UBQLN1: variants seen among roughly 807,000 people sequenced by gnomAD.
The protein encoded by UBQLN1 is ubiquilin 1, also known as ubiquilin-1.
In UBQLN1, 13 loss-of-function variants were observed where a neutral mutation model predicts 65.4. That is an observed-to-expected ratio of 0.20 (90% CI 0.13 to 0.32). UBQLN1 has a LOEUF of 0.32. Among genes scored for constraint, UBQLN1 ranks in the 10% least tolerant of loss-of-function variants. UBQLN1 has a pLI of 1.00. For missense variants in UBQLN1, 561 were observed against 724.0 expected (o/e 0.77, Z 2.58); for synonymous variants, 267 against 247.8 (o/e 1.08, Z -0.73).
intron 10 of UBQLN1, among the ~76,000 whole-genome samples, chr9:83,662,625 T>C (rs1831579142): frequency 6.6e-6 from 1 of 152,222 alleles, no homozygotes. Context: ...TTAACTTATG[T>C]CACAATTAAT....
At chr9:83,686,224 G>A (rs1396740393) in intron 1 of UBQLN1, 69 bp from the exon 2 acceptor site, 2 of 1,063,278 alleles carry the variant, frequency 1.9e-6, no homozygotes, top group Non-Finnish European at 2.6e-6. Flanking sequence ...GTTTCTACAG[G>A]TACCTCATAG....
intron 1 of UBQLN1, among the ~76,000 whole-genome samples, chr9:83,697,224 T>C (rs977039371): frequency 2.0e-5 from 3 of 149,528 alleles, no homozygotes; most frequent in African/African-American, 5.0e-5. Context: ...ACATTATTAA[T>C]ATGAGTCTCA....
intron 1 of UBQLN1, among the ~76,000 whole-genome samples, chr9:83,689,982 A>G (rs1488885388): frequency 6.6e-6 from 1 of 152,248 alleles, no homozygotes; most frequent in African/African-American, 2.4e-5. Context: ...ACTGTTAAAG[A>G]GCGTTACAGA....
In UBQLN1 at chr9:83,677,757, T is replaced by C; in HGVS notation, c.1075A>G (p.Thr359Ala). 8.1e-6 allele frequency: 13 copies of C among 1,614,142 alleles called. No individual in the cohort carries two copies. Among genetic ancestry groups the C allele is most frequent in the East Asian group, 2.2e-5 (1 of 44,874 alleles). ...TASGTSGQST[T>A]APNLVPGVGA... ...ACTCCAGGCACCAAATTTGGCGCAG[T>C]AGTACTCTGCCCAGAAGTGCCACTG... The change falls in exon 6 of 11, where the codon ACT (threonine) becomes GCT (alanine). Residue 359 changes from threonine to alanine, a missense_variant. This residue lies in a region of UBQLN1 where 89 missense variants were observed against 77.8 expected (regional missense o/e 1.14). Coordinates refer to ENST00000376395, the MANE Select transcript of UBQLN1 (RefSeq NM_013438.5).
intron 7 of UBQLN1, chr9:83,667,553 CAGTA>C: frequency 1.0e-6 from 1 of 985,424 alleles, no homozygotes; most frequent in Non-Finnish European, 1.2e-6. Context: ...AGTAAGTTCA[CAGTA>C]AGTAAACTCA....
intron 9 of UBQLN1, among the ~76,000 whole-genome samples, chr9:83,664,587 T>TAATA (rs1831612603): frequency 6.6e-6 from 1 of 151,714 alleles, no homozygotes; most frequent in African/African-American, 2.4e-5. Context: ...ACCGATCTCT[T>TAATA]AATAAATAAA....
intron 1 of UBQLN1, among the ~76,000 whole-genome samples, chr9:83,705,355 T>TGCCTCA (rs780064526): frequency 2.0e-5 from 3 of 151,084 alleles, no homozygotes; most frequent in Non-Finnish European, 4.4e-5. Flanking sequence ...ATGATTCTCC[T>TGCCTCA]GCCTCAGCCT....
Position 83,666,420 on chromosome 9 carries a change from T to TTA in UBQLN1, c.1260_1261dup (p.Asn421IlefsTer15), listed in dbSNP as rs765200208. On this transcript the variant is annotated frameshift_variant, in exon 8 of 11. Coordinates refer to ENST00000376395, the MANE Select transcript of UBQLN1 (RefSeq NM_013438.5). LOFTEE classifies it high-confidence loss of function. ...CTGAGGATTTCCAGCAAATAGGGGA[T>TTA]TATTCAGCATCATCTATGGGGCAAG... The TTA allele has an allele frequency of 6.2e-7, 1 of 1,613,858 alleles. No homozygotes were observed. The highest frequency in any genetic ancestry group is 8.5e-7 in the Non-Finnish European group (1 of 1,179,802).
At chr9:83,696,597 C>G (rs1302314429) in intron 1 of UBQLN1, among the ~76,000 whole-genome samples, 1 of 151,402 alleles carries the variant, frequency 6.6e-6, no homozygotes, top group Non-Finnish European at 1.5e-5. Flanking sequence ...TGTGATCGCA[C>G]TACTGCACTT....
intron 1 of UBQLN1, among the ~76,000 whole-genome samples, chr9:83,705,347 G>C (rs1832383658): frequency 6.7e-6 from 1 of 149,366 alleles, no homozygotes; most frequent in Non-Finnish European, 1.5e-5. Flanking sequence ...TTCAAGCGAT[G>C]ATTCTCCTGC....
chr9:83,686,249 G>A lies in UBQLN1; in HGVS notation c.181-94C>T, dbSNP rs914035486. The A allele has an allele frequency of 7.5e-6, 6 of 796,166 alleles. No homozygotes were observed. In the African/African-American group the frequency reaches 1.1e-4, roughly 15 times the overall value. The allele number at this position is 796,166 out of a possible 1,614,324, so 49.3% of individuals were successfully genotyped here. A position where few individuals can be genotyped will look rare whatever the true frequency, so the allele number is the denominator to read the frequency against. On this transcript the variant is annotated intron_variant, in intron 1 of 10. Transcript: ENST00000376395. ...GTACCTCATAGAGGCCCCTACTACA[G>A]ACGCTACAATTCAAACACCATAATC...
In UBQLN1 at chr9:83,665,196, G is replaced by A. The variant is rs138812787; in HGVS notation, c.1333-51C>T. The A allele has an allele frequency of 3.6e-4, 496 of 1,390,652 alleles. No individual in the cohort carries two copies. The African/African-American group carries it at 5.3e-3, about 15-fold the overall frequency. 86.1% of individuals were successfully genotyped at this position (1,390,652 alleles called of 1,614,324 possible). ...TACAAAGGAATTAAAATCAGTGAAC[G>A]TAAATTTTTAAATCTTTTCTCTGTT... is the stretch of plus-strand genomic sequence containing the variant. On this transcript the variant is annotated intron_variant, in intron 8 of 10. Transcript: ENST00000376395.
Position 83,702,225 on chromosome 9 carries a change from A to T in UBQLN1, c.180+5275T>A, listed in dbSNP as rs923710898. Among the ~76,000 whole-genome samples the T allele has an allele frequency of 2.0e-5, 3 of 152,240 alleles. No individual in the cohort carries two copies. In the East Asian group the frequency reaches 5.8e-4, roughly 29 times the overall value. On this transcript the variant is annotated intron_variant, in intron 1 of 10. Transcript: ENST00000376395. ...GAGGGTTCTAAACGTTCTAAAATTG[A>T]CTACACGACCCTGTGAATGTATTAC...
intron 1 of UBQLN1, among the ~76,000 whole-genome samples, chr9:83,705,537 C>T (rs991714711): frequency 2.6e-5 from 4 of 152,218 alleles, no homozygotes; most frequent in Non-Finnish European, 5.9e-5. Context: ...GCCACCGCAT[C>T]CGGCCCAGAA....
At position 83,704,979 on chromosome 9, in the gene UBQLN1, T is replaced by C. The variant is rs186298908; in HGVS notation, c.180+2521A>G. Among the ~76,000 whole-genome samples, 28 of 152,264 alleles carry C rather than the reference T, an allele frequency of 1.8e-4. No individual in the cohort carries two copies. In the East Asian group the frequency reaches 4.2e-3, roughly 23 times the overall value. Reference sequence around the variant, plus strand: ...GAAAGGAATTTTTCTATTTATAAAATACTGATTATTTCTAATCTTTTGCAG... The same window carrying C: ...GAAAGGAATTTTTCTATTTATAAAACACTGATTATTTCTAATCTTTTGCAG... On this transcript the variant is annotated intron_variant, in intron 1 of 10. Transcript: ENST00000376395.
In UBQLN1 at chr9:83,678,571, A is replaced by G; in HGVS notation, c.740T>C (p.Met247Thr). ...QTLELARNPA[M>T]MQEMMRNQDR... ...CTGGTTCCTCATCATCTCCTGCATCATTGCTGGATTCCTGGCAAGTTCCAA... is the reference window on the plus strand; with the variant it reads ...CTGGTTCCTCATCATCTCCTGCATCGTTGCTGGATTCCTGGCAAGTTCCAA... Residue 247 changes from methionine to threonine, a missense_variant, in exon 5 of 11, where the codon ATG (methionine) becomes ACG (threonine). By Grantham distance (81) the Met-to-Thr change is moderately conservative. Coordinates refer to ENST00000376395, the MANE Select transcript of UBQLN1 (RefSeq NM_013438.5). 1 of 1,610,452 alleles carries G rather than the reference A, an allele frequency of 6.2e-7. No individual in the cohort carries two copies. The highest frequency in any genetic ancestry group is 8.5e-7 in the Non-Finnish European group (1 of 1,178,888).
intron 1 of UBQLN1, among the ~76,000 whole-genome samples, chr9:83,688,284 G>C (rs1245047634): frequency 6.6e-6 from 1 of 152,112 alleles, no homozygotes; most frequent in Non-Finnish European, 1.5e-5. Context: ...CAGAAAAAGA[G>C]GTTACAGATG....
chr9:83,668,334 G>T (rs1831675900), intron 7 of UBQLN1: 1 of 985,212 alleles, frequency 1.0e-6, no homozygotes, highest in African/African-American at 1.7e-5. Flanking sequence ...TTTAAGGGAT[G>T]AGATTAACTA....
At position 83,683,068 on chromosome 9, in the gene UBQLN1, T is replaced by C. The variant is rs1324039595; in HGVS notation, c.333-2A>G. The C allele has an allele frequency of 6.3e-7, 1 of 1,599,514 alleles. No homozygotes were observed. The highest frequency in any genetic ancestry group is 8.6e-7 in the Non-Finnish European group (1 of 1,169,436). On this transcript the variant is annotated splice_acceptor_variant, in intron 2 of 10. Transcript: ENST00000376395. LOFTEE classifies it high-confidence loss of function. ...TGCTGAGCTGAATGATCCTGAGGCC[T>C]AGGGAAAATAATTAATCACAGAGTA...
Sources: allele counts gnomAD v4.1 joint callset (sites outside exome capture counted in the v4.1 genomes callset), GRCh38; gene constraint gnomAD v4.1.1; regional missense constraint gnomAD v4.1.1; transcripts MANE v1.5; gene names NCBI Gene and HGNC (gene_info 2026-07-23, HGNC 2026-07-21).